Variants in PNPLA8 observed in about 807,000 individuals in gnomAD.
The protein encoded by PNPLA8 is patatin like domain 8, phospholipase A2, also known as calcium-independent phospholipase A2-gamma.
Under a neutral mutation model 76.9 loss-of-function variants are expected in PNPLA8, and 39 were observed. The ratio of observed to expected loss-of-function variants is 0.51; its 90% CI spans 0.39 to 0.66. The LOEUF (loss-of-function observed/expected upper bound fraction) is 0.66. PNPLA8 is among the 30% of genes least tolerant of loss of function. PNPLA8 has a pLI of 0.00. For missense variants in PNPLA8, 887 were observed against 918.0 expected (o/e 0.97, Z 0.44); for synonymous variants, 301 against 307.9 (o/e 0.98, Z 0.24).
At chr7:108,478,048 T>A (rs2154514773) in intron 10 of PNPLA8, among the ~76,000 whole-genome samples, 1 of 152,198 alleles carries the variant, frequency 6.6e-6, no homozygotes, top group East Asian at 1.9e-4. Context: ...ATCAAATATG[T>A]AATATATAAT....
intron 1 of PNPLA8, among the ~76,000 whole-genome samples, chr7:108,524,620 T>G (rs1037428751): frequency 2.6e-5 from 4 of 151,238 alleles, no homozygotes; most frequent in Admixed American, 6.6e-5. Flanking sequence ...AGGCCAGGAG[T>G]TTGAGAGCAG....
chr7:108,473,786 C>A (rs773042973), intron 10 of PNPLA8, among the ~76,000 whole-genome samples: 3 of 152,142 alleles, frequency 2.0e-5, no homozygotes, highest in Non-Finnish European at 2.9e-5. Flanking sequence ...CTCACCGCAA[C>A]CTCGAACTCC....
At chr7:108,480,143 A>T (rs1054061962) in intron 9 of PNPLA8, among the ~76,000 whole-genome samples, 2 of 152,124 alleles carry the variant, frequency 1.3e-5, no homozygotes, top group African/African-American at 4.8e-5. Context: ...AAGGCAGGAG[A>T]ATCGCTTGAG....
At chr7:108,492,751 C>G (rs1563950085) in intron 7 of PNPLA8, among the ~76,000 whole-genome samples, 1 of 152,000 alleles carries the variant, frequency 6.6e-6, no homozygotes, top group African/African-American at 2.4e-5. Context: ...AATGCTACGA[C>G]AAAAAAGGCC....
intron 9 of PNPLA8, chr7:108,480,849 C>T (rs1327821408): frequency 4.0e-6 from 1 of 251,772 alleles, no homozygotes; most frequent in Non-Finnish European, 8.4e-6. Context: ...CAGAATAGTT[C>T]CATCACCCCC....
intron 4 of PNPLA8, among the ~76,000 whole-genome samples, chr7:108,504,247 T>C (rs1862170937): frequency 6.6e-6 from 1 of 152,202 alleles, no homozygotes; most frequent in Non-Finnish European, 1.5e-5. Flanking sequence ...AAACTTACAA[T>C]GTCCAGCATC....
intron 2 of PNPLA8, among the ~76,000 whole-genome samples, chr7:108,521,021 A>G (rs1863698108): frequency 6.6e-6 from 1 of 152,204 alleles, no homozygotes; most frequent in African/African-American, 2.4e-5. Flanking sequence ...CAAGGTGCAG[A>G]TACCCTATGG....
In PNPLA8 at chr7:108,487,746, C is replaced by T; in HGVS notation, c.1878+13G>A. 1 of 1,550,080 alleles carries T rather than the reference C, an allele frequency of 6.5e-7. No homozygotes were observed. Among genetic ancestry groups the T allele is most frequent in the Non-Finnish European group, 8.8e-7 (1 of 1,138,512 alleles). The stretch of plus-strand genomic sequence containing the variant: ...GTAAAATTTAAAAAAATAAGACATA[C>T]AAGTCAACTTACTTGATGAAGATCA... On this transcript the variant is annotated intron_variant, in intron 9 of 10. Coordinates refer to ENST00000257694, the MANE Select transcript of PNPLA8 (RefSeq NM_001256007.3).
intron 5 of PNPLA8, 115 bp downstream of exon 5, chr7:108,502,376 G>A: frequency 1.2e-6 from 1 of 813,498 alleles, no homozygotes; most frequent in Non-Finnish European, 1.8e-6. Flanking sequence ...CTGGGAGGCA[G>A]AGGTTGCAGT....
intron 7 of PNPLA8, among the ~76,000 whole-genome samples, chr7:108,492,970 T>C (rs113178897): frequency 2.2e-3 from 333 of 152,254 alleles, no homozygotes; most frequent in African/African-American, 7.2e-3. Flanking sequence ...GAAACCACAA[T>C]GATGAGACGA....
chr7:108,494,396 T>C (rs1421851406), intron 7 of PNPLA8, among the ~76,000 whole-genome samples: 2 of 152,134 alleles, frequency 1.3e-5, no homozygotes, highest in Non-Finnish European at 2.9e-5. Context: ...CCAGCATCAA[T>C]TGTTCCCATC....
chr7:108,499,170 C>T (rs750820686), intron 5 of PNPLA8, among the ~76,000 whole-genome samples: 3 of 151,986 alleles, frequency 2.0e-5, no homozygotes, highest in East Asian at 1.9e-4. Context: ...AAAATAGGCA[C>T]GTATATGTTC....
intron 9 of PNPLA8, among the ~76,000 whole-genome samples, chr7:108,485,651 A>T (rs1363818969): frequency 6.6e-6 from 1 of 152,134 alleles, no homozygotes; most frequent in East Asian, 1.9e-4. Context: ...TTAGGACTTT[A>T]CTTGAACGTT....
rs1275881275 is a variant in PNPLA8 at position 108,486,975 on chromosome 7, T to TA, written c.1878+783dup. Among the ~76,000 whole-genome samples the TA allele has an allele frequency of 2.6e-5, 4 of 152,204 alleles. No individual in the cohort carries two copies. The East Asian group carries it at 7.7e-4, about 29-fold the overall frequency. On this transcript the variant is annotated intron_variant, in intron 9 of 10. Coordinates refer to ENST00000257694, the MANE Select transcript of PNPLA8 (RefSeq NM_001256007.3). ...GAGACATAATATAAAAAATTATATA[T>TA]AAAAATGCAAGCTTTCAAAGTATCA... is the stretch of plus-strand genomic sequence containing the variant.
In PNPLA8 at chr7:108,496,689, C is replaced by T. The variant is rs770948284; in HGVS notation, c.1520G>A (p.Arg507Gln). 1.1e-5 allele frequency: 18 copies of T among 1,611,240 alleles called. No individual in the cohort carries two copies. The highest frequency in any genetic ancestry group is 1.6e-4 in the Middle Eastern group (1 of 6,074). ...MPLDECEELY[R>Q]KLGSDVFSQN... ...TGAAAATACATCTGATCCTAATTTT[C>T]GATAAAGTTCCTCACATTCATCCAA... The change falls in exon 7 of 11, where the codon CGA (arginine) becomes CAA (glutamine). Residue 507 changes from arginine (R) to glutamine (Q), a missense_variant. By Grantham distance (43) the Arg-to-Gln change is conservative. Coordinates refer to ENST00000257694, the MANE Select transcript of PNPLA8 (RefSeq NM_001256007.3).
chr7:108,510,938 G>C (rs1265536359), intron 4 of PNPLA8: 1 of 1,574,466 alleles, frequency 6.4e-7, no homozygotes, highest in Non-Finnish European at 8.6e-7. Context: ...TGGCAACAGG[G>C]AGGACCAGAT....
chr7:108,488,878 G>A (rs925021609), intron 8 of PNPLA8, among the ~76,000 whole-genome samples: 5 of 152,186 alleles, frequency 3.3e-5, no homozygotes, highest in Admixed American at 2.0e-4. Context: ...AGGTATTGAT[G>A]AGGCCAAAGT....
chr7:108,472,387 T>C lies in PNPLA8; in HGVS notation c.*14A>G. ...AAACAGACCTTCATTTATGAGAACATAAGCATATACTCATCACAATTTTGA... is the reference window on the plus strand; with the variant it reads ...AAACAGACCTTCATTTATGAGAACACAAGCATATACTCATCACAATTTTGA... On this transcript the variant is annotated 3_prime_UTR_variant, in exon 11 of 11. Transcript: ENST00000257694. 6.6e-7 allele frequency: 1 copy of C among 1,515,456 alleles called. No individual in the cohort carries two copies. Among genetic ancestry groups the C allele is most frequent in the Non-Finnish European group, 8.9e-7 (1 of 1,122,690 alleles). 93.9% of individuals were successfully genotyped at this position (1,515,456 alleles called of 1,614,324 possible).
Position 108,487,906 on chromosome 7 carries a change from A to G in PNPLA8, c.1731T>C (p.Ala577=). 1 of 1,613,618 alleles carries G rather than the reference A, an allele frequency of 6.2e-7. No homozygotes were observed. The highest frequency in any genetic ancestry group is 8.5e-7 in the Non-Finnish European group (1 of 1,179,580). The change falls in exon 9 of 11, where the codon GCT becomes GCC. Residue 577 remains alanine (A), a synonymous_variant. Coordinates refer to ENST00000257694, the MANE Select transcript of PNPLA8 (RefSeq NM_001256007.3). ...TIVNRGITPK[A]FVFRNYGHFP... Reference sequence around the variant, plus strand: ...AATGACCATAGTTTCTGAACACAAAAGCTTTGGGTGTTATCCCTCTATTTA... The same window carrying G: ...AATGACCATAGTTTCTGAACACAAAGGCTTTGGGTGTTATCCCTCTATTTA...
Sources: gnomAD v4.1 joint callset for allele counts (sites outside exome capture counted in the v4.1 genomes callset) on GRCh38, gnomAD v4.1.1 for gene constraint, MANE v1.5 for transcripts, NCBI Gene and HGNC (gene_info 2026-07-23, HGNC 2026-07-21) for gene names.